GPRIN1: variants seen among roughly 807,000 people sequenced by gnomAD.
GPRIN1 encodes G protein regulated inducer of neurite outgrowth 1.
A neutral mutation model predicts 2.8 loss-of-function variants in GPRIN1; 4 were observed. The observed-to-expected ratio is 1.45, with a 90% CI of 0.71 to 3.32. The LOEUF is 3.32. Among genes scored for constraint, GPRIN1 ranks in the 30% most tolerant of loss-of-function variants. The probability of loss-of-function intolerance (pLI) is 0.01; values close to 1 mark genes in which losing one functional copy is unlikely to be tolerated. For missense variants in GPRIN1, 1,322 were observed against 1,343.4 expected (o/e 0.98, Z 0.25); for synonymous variants, 589 against 589.9 (o/e 1.00, Z 0.02).
chr5:176,606,706 A>T (rs767256271), intron 1 of GPRIN1, among the ~76,000 whole-genome samples: 15 of 152,120 alleles, frequency 9.9e-5, no homozygotes, highest in Admixed American at 6.5e-5. Flanking sequence ...CCCTTCATGT[A>T]TGTTACCCTC....
In GPRIN1 at chr5:176,597,458, T is replaced by C. The variant is rs1296609137; in HGVS notation, c.2377A>G (p.Asn793Asp). The stretch of plus-strand genomic sequence containing the variant: ...TCCCACGACGGCGCCTTGGTGAAGT[T>C]GTCGCGAGTCCGCGGCCCCGGCGGG... The part of the protein sequence containing the change: ...APPPGPRTRD[N>D]FTKAPSWEAS... The change falls in exon 2 of 2, where the codon AAC becomes GAC. Residue 793 changes from asparagine to aspartate, a missense_variant. Physicochemically the swap from Asn to Asp is conservative, Grantham distance 23. This residue lies in a region of GPRIN1 where 1,117 missense variants were observed against 1,128.6 expected (regional missense o/e 0.99). Transcript: ENST00000303991. This position sits in a 1 kb window ranked among gnomAD's most constrained non-coding sequence, Gnocchi z 6.1. The C allele has an allele frequency of 6.1e-6, 8 of 1,319,772 alleles. No individual in the cohort carries two copies. The highest frequency in any genetic ancestry group is 7.7e-6 in the Non-Finnish European group (8 of 1,038,744). The allele number at this position is 1,319,772 out of a possible 1,614,324, so 81.8% of individuals were successfully genotyped here. A position where few individuals can be genotyped will look rare whatever the true frequency, so the allele number is the denominator to read the frequency against.
At chr5:176,600,921 TAAAC>T (rs993022334) in intron 1 of GPRIN1, among the ~76,000 whole-genome samples, 5 of 151,838 alleles carry the variant, frequency 3.3e-5, no homozygotes, top group Non-Finnish European at 5.9e-5. Context: ...ATCTCAAAAA[TAAAC>T]AAAAACAAAA....
At chr5:176,607,367 C>T (rs1271866693) in intron 1 of GPRIN1, among the ~76,000 whole-genome samples, 2 of 152,100 alleles carry the variant, frequency 1.3e-5, no homozygotes, top group Admixed American at 1.3e-4. Context: ...TTTTTGAGAC[C>T]GAGTCTTGTT....
chr5:176,598,248 C>G lies in GPRIN1; in HGVS notation c.1587G>C (p.Leu529=), dbSNP rs754357228. The G allele has an allele frequency of 6.2e-7, 1 of 1,612,934 alleles. No individual in the cohort carries two copies. The highest frequency in any genetic ancestry group is 8.5e-7 in the Non-Finnish European group (1 of 1,179,880). The change falls in exon 2 of 2, where the codon CTG becomes CTC. Residue 529 remains leucine (L), a synonymous_variant. Coordinates refer to ENST00000303991, the MANE Select transcript of GPRIN1 (RefSeq NM_052899.3). The stretch of plus-strand genomic sequence containing the variant: ...TGGGAGCCGCCTTTCCAGAGGCCAC[C>G]AGACCTGCCTTCTCCGAGGACAGGG... ...GDPLSSEKAG[L]VASGKAAPTA...
rs1321980979 is a variant in GPRIN1 at position 176,596,952 on chromosome 5, G to C, written c.2883C>G (p.Ala961=). The change falls in exon 2 of 2, where the codon GCC becomes GCG. Residue 961 remains alanine (A), a synonymous_variant. Coordinates refer to ENST00000303991, the MANE Select transcript of GPRIN1 (RefSeq NM_052899.3). The surrounding 1 kb of genome is among the most constrained non-coding windows in gnomAD (Gnocchi z 5.2). The part of the protein sequence containing the change: ...RQGAPAPPPA[A]RAGPGRSGSV... ...AGCCCGAACGGCCGGGGCCGGCACG[G>C]GCGGCGGGCGGCGGCGCGGGCGCCC... 1 of 1,301,628 alleles carries C rather than the reference G, an allele frequency of 7.7e-7. No individual in the cohort carries two copies. Among genetic ancestry groups the C allele is most frequent in the African/African-American group, 1.5e-5 (1 of 65,322 alleles). The allele number at this position is 1,301,628 out of a possible 1,614,324, so 80.6% of individuals were successfully genotyped here. A position where few individuals can be genotyped will look rare whatever the true frequency, so the allele number is the denominator to read the frequency against.
At chr5:176,607,600 T>C (rs1759239997) in intron 1 of GPRIN1, among the ~76,000 whole-genome samples, 1 of 152,196 alleles carries the variant, frequency 6.6e-6, no homozygotes, top group South Asian at 2.1e-4. Context: ...CACCTCGGCC[T>C]CTCAAAGTGT....
chr5:176,606,033 G>A (rs1339801028), intron 1 of GPRIN1, among the ~76,000 whole-genome samples: 2 of 152,068 alleles, frequency 1.3e-5, no homozygotes, highest in Non-Finnish European at 2.9e-5. Flanking sequence ...CCAGCCCTGG[G>A]GTCCTCACAC....
Position 176,598,019 on chromosome 5 carries a change from C to G in GPRIN1, c.1816G>C (p.Val606Leu). The change falls in exon 2 of 2, where the codon GTG becomes CTG. Residue 606 changes from valine (V) to leucine (L), a missense_variant. Coordinates refer to ENST00000303991, the MANE Select transcript of GPRIN1 (RefSeq NM_052899.3). ...GKAEAIPEGK[V>L]GSLPLEKGSP... ...CCCTTCTCTAGAGGCAGAGAACCCA[C>G]TTTTCCCTCTGGGATAGCTTCTGCT... is the stretch of plus-strand genomic sequence containing the variant. 1 of 1,614,108 alleles carries G rather than the reference C, an allele frequency of 6.2e-7. No individual in the cohort carries two copies. Among genetic ancestry groups the G allele is most frequent in the Non-Finnish European group, 8.5e-7 (1 of 1,180,016 alleles).
chr5:176,599,261 T>C lies in GPRIN1; in HGVS notation c.574A>G (p.Lys192Glu). The C allele has an allele frequency of 3.1e-6, 5 of 1,614,062 alleles. No homozygotes were observed. The highest frequency in any genetic ancestry group is 4.2e-6 in the Non-Finnish European group (5 of 1,180,010). ...TGKAEPEILGKGDPVAPGRMD... is the reference protein window; with the variant it reads ...TGKAEPEILGEGDPVAPGRMD... ...CTTCCAGGAGCCACAGGATCCCCCT[T>C]TCCCAAGATTTCAGGCTCTGCCTTT... Residue 192 changes from lysine (K) to glutamate (E), a missense_variant, in exon 2 of 2, where the codon AAG (lysine) becomes GAG (glutamate). Transcript: ENST00000303991.
chr5:176,596,554 C>G lies in GPRIN1; in HGVS notation c.*254G>C, dbSNP rs932634885. Reference sequence around the variant, plus strand: ...TCGCCCAGTGTGACCGGGAGTAGAGCTGAGGGCTGTGAGGGGACAGTGGGG... The same window carrying G: ...TCGCCCAGTGTGACCGGGAGTAGAGGTGAGGGCTGTGAGGGGACAGTGGGG... On this transcript the variant is annotated 3_prime_UTR_variant, in exon 2 of 2. Transcript: ENST00000303991. This position sits in a 1 kb window ranked among gnomAD's most constrained non-coding sequence, Gnocchi z 5.2. The G allele has an allele frequency of 8.2e-6, 2 of 243,436 alleles. No homozygotes were observed. The allele number at this position is 243,436 out of a possible 1,614,324, so 15.1% of individuals were successfully genotyped here.
chr5:176,597,593 C>T lies in GPRIN1; in HGVS notation c.2242G>A (p.Val748Met), dbSNP rs1352326442. ...GACACGGGCTCGGCCTTCGGCTCCACGCGGCCTTCACTGCCCCTGGCACCC... is the reference window on the plus strand; with the variant it reads ...GACACGGGCTCGGCCTTCGGCTCCATGCGGCCTTCACTGCCCCTGGCACCC... The part of the protein sequence containing the change: ...PEGARGSEGR[V>M]EPKAEPVSST... Residue 748 changes from valine to methionine, a missense_variant, in exon 2 of 2, where the codon GTG becomes ATG. This residue lies in a region of GPRIN1 where 1,117 missense variants were observed against 1,128.6 expected (regional missense o/e 0.99). Transcript: ENST00000303991. This position sits in a 1 kb window ranked among gnomAD's most constrained non-coding sequence, Gnocchi z 6.1. 8 of 1,598,176 alleles carry T rather than the reference C, an allele frequency of 5.0e-6. No homozygotes were observed. Among genetic ancestry groups the T allele is most frequent in the African/African-American group, 2.7e-5 (2 of 74,882 alleles).
chr5:176,598,083 C>T lies in GPRIN1; in HGVS notation c.1752G>A (p.Pro584=), dbSNP rs1759080579. 2 of 1,613,744 alleles carry T rather than the reference C, an allele frequency of 1.2e-6. No homozygotes were observed. Among genetic ancestry groups the T allele is most frequent in the Non-Finnish European group, 1.7e-6 (2 of 1,179,968 alleles). ...KVVSTPGKTV[P]VPSGKVDPVS... ...CGGGATCCACCTTCCCCGAGGGCAC[C>T]GGGACTGTTTTTCCTGGAGTTGAGA... Residue 584 remains proline (P), a synonymous_variant, in exon 2 of 2, where the codon CCG becomes CCA. Transcript: ENST00000303991.
chr5:176,598,750 T>C lies in GPRIN1; in HGVS notation c.1085A>G (p.Glu362Gly), dbSNP rs766403309. ...MADPASVGNV[E>G]TVPATKEDSR... ...GTCCTCTTTTGTGGCAGGCACAGTT[T>C]CTACATTTCCCACAGATGCGGGATC... is the stretch of plus-strand genomic sequence containing the variant. Residue 362 changes from glutamate (E) to glycine (G), a missense_variant, in exon 2 of 2, where the codon GAA becomes GGA. By Grantham distance (98) the Glu-to-Gly change is moderately conservative. Around this residue, in one of 3 missense-constraint regions of GPRIN1, gnomAD observed 1,117 missense variants for 1,128.6 expected, o/e 0.99. Coordinates refer to ENST00000303991, the MANE Select transcript of GPRIN1 (RefSeq NM_052899.3). 1.2e-6 allele frequency: 2 copies of C among 1,613,606 alleles called. No individual in the cohort carries two copies. The highest frequency in any genetic ancestry group is 2.2e-5 in the South Asian group (2 of 91,088).
chr5:176,606,839 G>T lies in GPRIN1; in HGVS notation c.-44+3160C>A, dbSNP rs1581159414. Reference sequence around the variant, plus strand: ...ACCCGCCTGCCAGGCAGCTGTTGTAGTCCTGTTTTCCAGAGGAAGAAACAG... The same window carrying T: ...ACCCGCCTGCCAGGCAGCTGTTGTATTCCTGTTTTCCAGAGGAAGAAACAG... On this transcript the variant is annotated intron_variant, in intron 1 of 1. Transcript: ENST00000303991. 3.3e-5 allele frequency among the ~76,000 whole-genome samples: 5 copies of T among 152,350 alleles called. 1 individual carries two copies. The highest frequency in any genetic ancestry group is 3.3e-4 in the Admixed American group (5 of 15,306).
Position 176,599,063 on chromosome 5 carries a change from C to T in GPRIN1, c.772G>A (p.Glu258Lys). 3 of 1,614,012 alleles carry T rather than the reference C, an allele frequency of 1.9e-6. No individual in the cohort carries two copies. Among genetic ancestry groups the T allele is most frequent in the Non-Finnish European group, 1.7e-6 (2 of 1,179,970 alleles). Residue 258 changes from glutamate (E) to lysine (K), a missense_variant, in exon 2 of 2, where the codon GAG (glutamate) becomes AAG (lysine). This residue lies in a region of GPRIN1 where 1,117 missense variants were observed against 1,128.6 expected (regional missense o/e 0.99). Transcript: ENST00000303991. ...KVDPVFPRKE[E>K]PRYSGKEHPV... ...TGCTCTTTTCCTGAATACCTGGGCT[C>T]CTCCTTTCTTGGGAATACAGGGTCC...
Position 176,597,545 on chromosome 5 carries a change from C to G in GPRIN1, c.2290G>C (p.Gly764Arg), listed in dbSNP as rs769955682. The change falls in exon 2 of 2, where the codon GGC becomes CGC. Residue 764 changes from glycine to arginine, a missense_variant. Around this residue, in one of 3 missense-constraint regions of GPRIN1, gnomAD observed 1,117 missense variants for 1,128.6 expected, o/e 0.99. Transcript: ENST00000303991. The surrounding 1 kb of genome is among the most constrained non-coding windows in gnomAD (Gnocchi z 6.1). ...PVSSTEASSLGQKDLEAAGAE... is the reference protein window; with the variant it reads ...PVSSTEASSLRQKDLEAAGAE... Reference sequence around the variant, plus strand: ...CCAGCGGCTTCCAGGTCTTTCTGGCCGAGACTGGAGGCCTCGGTGCTGGAC... The same window carrying G: ...CCAGCGGCTTCCAGGTCTTTCTGGCGGAGACTGGAGGCCTCGGTGCTGGAC... The G allele has an allele frequency of 1.9e-6, 3 of 1,544,566 alleles. No individual in the cohort carries two copies. Among genetic ancestry groups the G allele is most frequent in the South Asian group, 2.3e-5 (2 of 86,464 alleles).
intron 1 of GPRIN1, among the ~76,000 whole-genome samples, chr5:176,607,766 G>A (rs189239057): frequency 1.3e-5 from 2 of 148,284 alleles, no homozygotes; most frequent in Admixed American, 1.3e-4. Flanking sequence ...CACAACTGGG[G>A]CACACAACTG....
chr5:176,596,777 C>T lies in GPRIN1; in HGVS notation c.*31G>A. The T allele has an allele frequency of 7.1e-7, 1 of 1,402,554 alleles. No homozygotes were observed. The highest frequency in any genetic ancestry group is 1.6e-5 in the South Asian group (1 of 61,570). The allele number at this position is 1,402,554 out of a possible 1,614,324, so 86.9% of individuals were successfully genotyped here. A position where few individuals can be genotyped will look rare whatever the true frequency, so the allele number is the denominator to read the frequency against. On this transcript the variant is annotated 3_prime_UTR_variant, in exon 2 of 2. Coordinates refer to ENST00000303991, the MANE Select transcript of GPRIN1 (RefSeq NM_052899.3). The surrounding 1 kb of genome is among the most constrained non-coding windows in gnomAD (Gnocchi z 5.2). ...GATCAAGAAGGGAGCCTGAGAAGGT[C>T]GGAAACTCGGGCGTACAAAATGGGG...
Position 176,597,924 on chromosome 5 carries a change from T to C in GPRIN1, c.1911A>G (p.Lys637=). Residue 637 remains lysine, a synonymous_variant, in exon 2 of 2, where the codon AAA becomes AAG. Coordinates refer to ENST00000303991, the MANE Select transcript of GPRIN1 (RefSeq NM_052899.3). This position sits in a 1 kb window ranked among gnomAD's most constrained non-coding sequence, Gnocchi z 6.1. The part of the protein sequence containing the change: ...SGKAQPQSGG[K]AETKLPGQEG... Reference sequence around the variant, plus strand: ...CTTGCCCAGGGAGCTTTGTTTCTGCTTTGCCACCAGACTGCGGCTGTGCTT... The same window carrying C: ...CTTGCCCAGGGAGCTTTGTTTCTGCCTTGCCACCAGACTGCGGCTGTGCTT... 6.2e-7 allele frequency: 1 copy of C among 1,613,988 alleles called. No individual in the cohort carries two copies. The highest frequency in any genetic ancestry group is 1.1e-5 in the South Asian group (1 of 91,074).
Sources: gnomAD v4.1 joint callset for allele counts (sites outside exome capture counted in the v4.1 genomes callset) on GRCh38, gnomAD v4.1.1 for gene constraint, gnomAD v4.1.1 regional missense constraint, Gnocchi (gnomAD v3.1) non-coding constraint, MANE v1.5 for transcripts, NCBI Gene and HGNC (gene_info 2026-07-23, HGNC 2026-07-21) for gene names.